DCX: variants seen among roughly 807,000 people sequenced by gnomAD.
DCX encodes neuronal migration protein doublecortin.
Under a neutral mutation model 20.9 loss-of-function variants are expected in DCX, and 4 were observed. The ratio of observed to expected loss-of-function variants is 0.19; its 90% CI spans 0.09 to 0.44. The LOEUF is 0.44. DCX is among the 20% of genes least tolerant of loss of function. The probability of loss-of-function intolerance (pLI) is 0.99; values close to 1 mark genes in which losing one functional copy is unlikely to be tolerated. For synonymous variants in DCX, 103 were observed against 111.4 expected, an observed-to-expected ratio of 0.92 and a Z score of 0.47; for missense variants, 133 against 296.9, an observed-to-expected ratio of 0.45 and a Z score of 4.06.
At chrX:111,328,368 G>A (rs752851054) in intron 5 of DCX, among the ~76,000 whole-genome samples, 1 of 111,567 alleles carries the variant, frequency 9.0e-6, no homozygotes, top group Admixed American at 9.6e-5. Flanking sequence ...AGTCACTGAG[G>A]TGCATATTTT....
chrX:111,408,691 A>AAAGGAAGG (rs1220241492), intron 2 of DCX, among the ~76,000 whole-genome samples: 123 of 103,300 alleles, frequency 1.2e-3, no homozygotes, highest in African/African-American at 4.4e-3. Context: ...AGAAAGAAAG[A>AAAGGAAGG]AAGGAAGGAA....
intron 5 of DCX, among the ~76,000 whole-genome samples, chrX:111,325,718 C>T (rs2095098280): frequency 8.9e-6 from 1 of 112,016 alleles, no homozygotes; most frequent in African/African-American, 3.2e-5. Flanking sequence ...TAAAATACAA[C>T]TCAATTTCAA....
chrX:111,393,295 A>C (rs1280012307), intron 3 of DCX, among the ~76,000 whole-genome samples: 1 of 111,485 alleles, frequency 9.0e-6, no homozygotes, highest in African/African-American at 3.3e-5. Flanking sequence ...CCCCAAAAGA[A>C]CCTTGACTCT....
Position 111,301,073 on chromosome X carries a change from A to G in DCX, c.*614T>C, listed in dbSNP as rs762564357. ...CTATTCTCTTAGCTAACCCAGCACC[A>G]GGATCCTAAGCATCTGGTGTCACAA... On this transcript the variant is annotated 3_prime_UTR_variant, in exon 7 of 7. Coordinates refer to ENST00000636035, the MANE Select transcript of DCX (RefSeq NM_001195553.2). 2.6e-4 allele frequency: 30 copies of G among 114,333 alleles called. No individual in the cohort carries two copies. Among genetic ancestry groups the G allele is most frequent in the Non-Finnish European group, 4.8e-4 (26 of 54,470 alleles). 9.4% of individuals were successfully genotyped at this position (114,333 alleles called of 1,213,427 possible).
chrX:111,355,420 A>G (rs1226408823), intron 3 of DCX, among the ~76,000 whole-genome samples: 1 of 111,259 alleles, frequency 9.0e-6, no homozygotes, highest in Non-Finnish European at 1.9e-5. Context: ...TTTCAAACAT[A>G]TACAGCCTGA....
chrX:111,296,111 G>A lies in DCX; in HGVS notation c.*5576C>T. The A allele has an allele frequency of 8.9e-6, 1 of 112,147 alleles. No homozygotes were observed. The highest frequency in any genetic ancestry group is 3.2e-5 in the African/African-American group (1 of 30,820). 9.2% of individuals were successfully genotyped at this position (112,147 alleles called of 1,213,427 possible). On this transcript the variant is annotated 3_prime_UTR_variant, in exon 7 of 7. Coordinates refer to ENST00000636035, the MANE Select transcript of DCX (RefSeq NM_001195553.2). ...AGGATGGATGTTTGTACTGTGGAAAGAGAGACTGATAACATAGAATATAAA... is the reference window on the plus strand; with the variant it reads ...AGGATGGATGTTTGTACTGTGGAAAAAGAGACTGATAACATAGAATATAAA...
intron 6 of DCX, among the ~76,000 whole-genome samples, chrX:111,310,433 A>T (rs1318430715): frequency 1.8e-5 from 2 of 111,790 alleles, no homozygotes; most frequent in Non-Finnish European, 3.8e-5. Flanking sequence ...TATATTATAC[A>T]TAGAGAGAGA....
chrX:111,334,946 T>G (rs1192901972), intron 3 of DCX, among the ~76,000 whole-genome samples: 1 of 112,162 alleles, frequency 8.9e-6, no homozygotes, highest in Non-Finnish European at 1.9e-5. Flanking sequence ...CATATTGTCC[T>G]AGTAGTGGAT....
At chrX:111,411,391 A>G (rs1233809617) in intron 1 of DCX, among the ~76,000 whole-genome samples, 2 of 109,986 alleles carry the variant, frequency 1.8e-5, no homozygotes, top group Non-Finnish European at 3.8e-5. Flanking sequence ...TTTCTACCTT[A>G]ATTGAAGTGA....
intron 3 of DCX, among the ~76,000 whole-genome samples, chrX:111,384,520 C>A (rs760235474): frequency 9.0e-6 from 1 of 111,250 alleles, no homozygotes; most frequent in South Asian, 3.8e-4. Context: ...AGATTGTAAG[C>A]ACCTCAAAAC....
At chrX:111,355,314 T>C (rs1264471677) in intron 3 of DCX, among the ~76,000 whole-genome samples, 2 of 111,384 alleles carry the variant, frequency 1.8e-5, no homozygotes, top group Non-Finnish European at 3.8e-5. Flanking sequence ...GACTGGGCAC[T>C]GGTAAGTCCA....
chrX:111,332,337 G>A (rs1175521012), intron 4 of DCX, among the ~76,000 whole-genome samples: 6 of 112,256 alleles, frequency 5.3e-5, no homozygotes, highest in Non-Finnish European at 1.1e-4. Flanking sequence ...TGTCACTTGA[G>A]TTGTTTATAA....
chrX:111,407,340 C>G (rs760131334), intron 2 of DCX, among the ~76,000 whole-genome samples: 1 of 111,751 alleles, frequency 8.9e-6, no homozygotes, highest in Non-Finnish European at 1.9e-5. Flanking sequence ...TATTTCACAC[C>G]GGGAAGTCTG....
At position 111,328,449 on chromosome X, in the gene DCX, T is replaced by C. The variant is rs905076897; in HGVS notation, c.946+2455A>G. ...GACATAGATTTAAACTGTGTAGTTA[T>C]AGGTAGTTGTGTTCATGTGTGCTGG... On this transcript the variant is annotated intron_variant, in intron 5 of 6. Transcript: ENST00000636035. Among the ~76,000 whole-genome samples, 3 of 111,931 alleles carry C rather than the reference T, an allele frequency of 2.7e-5. No homozygotes were observed. In the Admixed American group the frequency reaches 2.9e-4, roughly 11 times the overall value.
intron 6 of DCX, among the ~76,000 whole-genome samples, chrX:111,312,269 A>G (rs1303124685): frequency 9.0e-6 from 1 of 111,650 alleles, no homozygotes; most frequent in Non-Finnish European, 1.9e-5. Context: ...TGTTATTTCC[A>G]CTGACTGGTG....
intron 5 of DCX, among the ~76,000 whole-genome samples, chrX:111,319,454 A>T (rs1395393702): frequency 9.0e-6 from 1 of 111,715 alleles, no homozygotes; most frequent in Non-Finnish European, 1.9e-5. Flanking sequence ...ACATACAACC[A>T]CCCAAAGAAC....
At chrX:111,302,438 T>C (rs1431523733) in intron 6 of DCX, among the ~76,000 whole-genome samples, 3 of 111,960 alleles carry the variant, frequency 2.7e-5, no homozygotes, top group Non-Finnish European at 5.6e-5. Context: ...TGTGTGATCA[T>C]ACATTTTCAT....
chrX:111,328,355 T>C (rs2095104441), intron 5 of DCX, among the ~76,000 whole-genome samples: 1 of 111,943 alleles, frequency 8.9e-6, no homozygotes, highest in African/African-American at 3.2e-5. Context: ...TCTGATATTT[T>C]AGAGTCACTG....
rs1409295962 is a variant in DCX, at chrX:111,330,978, T to G, written c.872A>C (p.Gln291Pro). Residue 291 changes from glutamine (Q) to proline (P), a missense_variant, in exon 5 of 7, where the codon CAG becomes CCG. Transcript: ENST00000636035. ...ACCAGGGCTCTTGGCTGAAGTCTTC[T>G]GAGGTGTTGGGGATGCCTTTGGGCC... is the stretch of plus-strand genomic sequence containing the variant. ...TAGPKASPTPQKTSAKSPGPM... is the reference protein window; with the variant it reads ...TAGPKASPTPPKTSAKSPGPM... The G allele has an allele frequency of 8.3e-7, 1 of 1,212,104 alleles. No homozygotes were observed. The highest frequency in any genetic ancestry group is 1.1e-6 in the Non-Finnish European group (1 of 895,541).
Sources: gnomAD v4.1 joint callset for allele counts (sites outside exome capture counted in the v4.1 genomes callset) on GRCh38, gnomAD v4.1.1 for gene constraint, MANE v1.5 for transcripts, NCBI Gene and HGNC (gene_info 2026-07-23, HGNC 2026-07-21) for gene names.